The following PRKCH variants were observed in gnomAD, a reference collection of about 807,000 sequenced individuals.
PRKCH encodes protein kinase C eta type.
Under a neutral mutation model 82.5 loss-of-function variants are expected in PRKCH, and 28 were observed. The ratio of observed to expected loss-of-function variants is 0.34; its 90% CI spans 0.25 to 0.47. The LOEUF is 0.47. Ranked by LOEUF, PRKCH falls within the 20% of genes least tolerant of loss-of-function variation. The pLI, the probability that PRKCH is intolerant of heterozygous loss-of-function variation, is 1.00. For synonymous variants in PRKCH, 322 were observed against 327.4 expected, an observed-to-expected ratio of 0.98 and a Z score of 0.18; for missense variants, 705 against 881.8, an observed-to-expected ratio of 0.80 and a Z score of 2.54.
rs1051570794 is a variant in PRKCH at position 61,508,165 on chromosome 14, G to T, written c.1434-20910G>T. Among the ~76,000 whole-genome samples, 5 of 151,844 alleles carry T rather than the reference G, an allele frequency of 3.3e-5. No homozygotes were observed. In the South Asian group the frequency reaches 1.0e-3, roughly 32 times the overall value. Reference sequence around the variant, plus strand: ...AGCCTTTAACATGGCAATTGACATGGCAATTGACATGATAAAAGCTACTGT... The same window carrying T: ...AGCCTTTAACATGGCAATTGACATGTCAATTGACATGATAAAAGCTACTGT... On this transcript the variant is annotated intron_variant, in intron 10 of 13. Coordinates refer to ENST00000332981, the MANE Select transcript of PRKCH (RefSeq NM_006255.5).
At chr14:61,352,376 A>G (rs1016951245) in intron 1 of PRKCH, among the ~76,000 whole-genome samples, 1 of 152,138 alleles carries the variant, frequency 6.6e-6, no homozygotes, top group Admixed American at 6.6e-5. Context: ...GATGTCCCAG[A>G]TATAGGCCGG....
At chr14:61,251,348 C>T (rs1224274965) in intron 1 of PRKCH, among the ~76,000 whole-genome samples, 1 of 152,164 alleles carries the variant, frequency 6.6e-6, no homozygotes, top group Non-Finnish European at 1.5e-5. Flanking sequence ...CCCACTTTCC[C>T]TCCACTACCC....
chr14:61,316,253 G>T (rs951980247), intron 1 of PRKCH, among the ~76,000 whole-genome samples: 3 of 152,110 alleles, frequency 2.0e-5, no homozygotes, highest in Admixed American at 6.5e-5. Context: ...AGTAACACGG[G>T]GTCACATTTG....
intron 10 of PRKCH, among the ~76,000 whole-genome samples, chr14:61,488,061 A>G (rs1348440851): frequency 1.3e-5 from 2 of 151,982 alleles, no homozygotes; most frequent in Admixed American, 6.6e-5. Flanking sequence ...GCTGAGGCAG[A>G]AGAATAGTGT....
chr14:61,383,578 T>G (rs1469613244), intron 1 of PRKCH, among the ~76,000 whole-genome samples: 1 of 152,126 alleles, frequency 6.6e-6, no homozygotes, highest in African/African-American at 2.4e-5. Context: ...TGAAGCTGTG[T>G]CATCTTCTGT....
intron 1 of PRKCH, among the ~76,000 whole-genome samples, chr14:61,265,786 T>C (rs1314698877): frequency 6.6e-6 from 1 of 152,124 alleles, no homozygotes; most frequent in East Asian, 1.9e-4. Context: ...GAATAAGATC[T>C]AGGGAGAGCT....
chr14:61,458,986 C>T (rs557235081), intron 9 of PRKCH, among the ~76,000 whole-genome samples: 11 of 152,154 alleles, frequency 7.2e-5, no homozygotes, highest in African/African-American at 2.7e-4. Flanking sequence ...GAGCAAATAT[C>T]AGGCCAAGAT....
At chr14:61,361,585 G>A (rs1160608369) in intron 1 of PRKCH, among the ~76,000 whole-genome samples, 1 of 152,188 alleles carries the variant, frequency 6.6e-6, no homozygotes, top group African/African-American at 2.4e-5. Context: ...CCTCTTTTGA[G>A]AAGAGGCAGT....
At chr14:61,286,776 C>CA (rs1234882314) in intron 1 of PRKCH, among the ~76,000 whole-genome samples, 15 of 149,340 alleles carry the variant, frequency 1.0e-4, no homozygotes, top group South Asian at 2.1e-4. Context: ...AACTCCATCT[C>CA]AAAAAAAAAG....
At chr14:61,232,547 C>G (rs1054510097) in intron 1 of PRKCH, among the ~76,000 whole-genome samples, 2 of 152,166 alleles carry the variant, frequency 1.3e-5, no homozygotes, top group African/African-American at 2.4e-5. Context: ...TACAAATGAA[C>G]AGCCAGATGA....
chr14:61,194,436 C>T (rs891528542), intron 1 of PRKCH, among the ~76,000 whole-genome samples: 5 of 152,140 alleles, frequency 3.3e-5, no homozygotes, highest in Admixed American at 6.5e-5. Flanking sequence ...AAAAGAGACC[C>T]CTGGAGAGAT....
intron 1 of PRKCH, among the ~76,000 whole-genome samples, chr14:61,232,238 T>G (rs2044750619): frequency 6.6e-6 from 1 of 152,242 alleles, no homozygotes; most frequent in South Asian, 2.1e-4. Context: ...TTTATTTTAT[T>G]TTTTTGAGAC....
At chr14:61,467,582 AG>A (rs1394571621) in intron 9 of PRKCH, among the ~76,000 whole-genome samples, 1 of 152,208 alleles carries the variant, frequency 6.6e-6, no homozygotes. Context: ...CCTGTGACAG[AG>A]GGTTAGACAA....
chr14:61,236,349 G>A (rs1036405952), intron 1 of PRKCH, among the ~76,000 whole-genome samples: 1 of 152,138 alleles, frequency 6.6e-6, no homozygotes, highest in Non-Finnish European at 1.5e-5. Context: ...TAAGTCACAG[G>A]ATGAGCTAGG....
chr14:61,460,369 T>G (rs1481548733), intron 9 of PRKCH, among the ~76,000 whole-genome samples: 1 of 152,202 alleles, frequency 6.6e-6, no homozygotes, highest in African/African-American at 2.4e-5. Flanking sequence ...TTTGTGTGCT[T>G]ATGCTGGTGT....
chr14:61,484,621 CACTTTTACCT>C (rs1277991041), intron 9 of PRKCH, among the ~76,000 whole-genome samples: 1 of 152,060 alleles, frequency 6.6e-6, no homozygotes, highest in Non-Finnish European at 1.5e-5. Context: ...TTTAAGAGTC[CACTTTTACCT>C]GCTAGGTTGA....
intron 1 of PRKCH, among the ~76,000 whole-genome samples, chr14:61,270,936 C>T (rs1319393848): frequency 2.6e-5 from 4 of 152,142 alleles, no homozygotes; most frequent in Non-Finnish European, 4.4e-5. Flanking sequence ...ATTGCATCAC[C>T]GCACTGCAGC....
intron 1 of PRKCH, among the ~76,000 whole-genome samples, chr14:61,352,541 G>T (rs559222038): frequency 6.6e-6 from 1 of 152,094 alleles, no homozygotes; most frequent in South Asian, 2.1e-4. Flanking sequence ...GTGTGCACTT[G>T]TAGTCCCAGC....
At chr14:61,291,196 C>T (rs1278037690) in intron 1 of PRKCH, among the ~76,000 whole-genome samples, 1 of 152,072 alleles carries the variant, frequency 6.6e-6, no homozygotes, top group African/African-American at 2.4e-5. Context: ...GCTTTTTATA[C>T]TGAGAAGGGT....
Sources: gnomAD v4.1 joint callset for allele counts (sites outside exome capture counted in the v4.1 genomes callset) on GRCh38, gnomAD v4.1.1 for gene constraint, MANE v1.5 for transcripts, NCBI Gene and HGNC (gene_info 2026-07-23, HGNC 2026-07-21) for gene names.